ZNF445: variants seen among roughly 807,000 people sequenced by gnomAD.
ZNF445 encodes zinc finger protein 445, also known as zinc finger protein 168.
A neutral mutation model predicts 93.9 loss-of-function variants in ZNF445; 19 were observed. The observed-to-expected ratio is 0.20, with a 90% confidence interval of 0.14 to 0.30. The LOEUF (loss-of-function observed/expected upper bound fraction) is 0.30. ZNF445 is among the 10% of genes least tolerant of loss of function. The pLI, the probability that ZNF445 is intolerant of heterozygous loss-of-function variation, is 1.00. For missense variants in ZNF445, 1,058 were observed against 1,259.4 expected, an observed-to-expected ratio of 0.84 and a Z score of 2.42; for synonymous variants, 449 against 446.3, an observed-to-expected ratio of 1.01 and a Z score of -0.08.
At chr3:44,474,195 G>A (rs1430319103) in intron 1 of ZNF445, among the ~76,000 whole-genome samples, 1 of 152,184 alleles carries the variant, frequency 6.6e-6, no homozygotes, top group Non-Finnish European at 1.5e-5. Flanking sequence ...AACTTGAGAT[G>A]CAACCAAATT....
chr3:44,451,074 G>A, intron 4 of ZNF445, 112 bp from the exon 5 acceptor site: 1 of 1,037,900 alleles, frequency 9.6e-7, no homozygotes, highest in South Asian at 1.7e-5. Context: ...ACATAATGTT[G>A]TTAAATACCC....
In ZNF445 at chr3:44,450,920, C is replaced by G; in HGVS notation, c.641G>C (p.Gly214Ala). 3 of 1,599,736 alleles carry G rather than the reference C, an allele frequency of 1.9e-6. No individual in the cohort carries two copies. The highest frequency in any genetic ancestry group is 1.1e-5 in the South Asian group (1 of 88,328). The change falls in exon 5 of 8, where the codon GGG (glycine) becomes GCG (alanine). Residue 214 changes from glycine (G) to alanine (A), a missense_variant. Around this residue, in one of 3 missense-constraint regions of ZNF445, gnomAD observed 657 missense variants for 746.4 expected, o/e 0.88. Coordinates refer to ENST00000396077, the MANE Select transcript of ZNF445 (RefSeq NM_181489.6). ...AQMPALFPRE[G>A]CPGDQVTPTR... ...TGGTGTTACCTGGTCTCCCGGGCAC[C>G]CCTCTCTCGGGAAAAGGGCAGGCAT...
Position 44,455,365 on chromosome 3 carries a change from C to A in ZNF445, c.185G>T (p.Arg62Leu). ...TAGGGGCCCTGAAGACTCATGGTAGCGAAGCTGTCTGAAGAGCTGGCGGAA... is the reference window on the plus strand; with the variant it reads ...TAGGGGCCCTGAAGACTCATGGTAGAGAAGCTGTCTGAAGAGCTGGCGGAA... The part of the protein sequence containing the change: ...ELFRQLFRQL[R>L]YHESSGPLET... Residue 62 changes from arginine (R) to leucine (L), a missense_variant, in exon 3 of 8, where the codon CGC (arginine) becomes CTC (leucine). Physicochemically the swap from Arg to Leu is moderately radical, Grantham distance 102. Transcript: ENST00000396077. The A allele has an allele frequency of 6.2e-7, 1 of 1,613,982 alleles. No homozygotes were observed. The highest frequency in any genetic ancestry group is 8.5e-7 in the Non-Finnish European group (1 of 1,179,914).
intron 3 of ZNF445, among the ~76,000 whole-genome samples, chr3:44,454,666 A>G (rs1343095150): frequency 6.6e-6 from 1 of 152,164 alleles, no homozygotes; most frequent in African/African-American, 2.4e-5. Context: ...CACTCAAGCA[A>G]TCCGCCCACC....
In ZNF445 at chr3:44,455,127, G is replaced by C. The variant is rs1220543994; in HGVS notation, c.423C>G (p.Ser141=). 3 of 1,614,072 alleles carry C rather than the reference G, an allele frequency of 1.9e-6. No homozygotes were observed. The change falls in exon 3 of 8, where the codon TCC becomes TCG. Residue 141 remains serine, a synonymous_variant. Transcript: ENST00000396077. ...EELQRDLDGT[S]WRDPGPAQSP... The stretch of plus-strand genomic sequence containing the variant: ...CACACTTGCTCACACTCACCCTCCA[G>C]GATGTCCCATCAAGGTCCCTCTGCA...
intron 3 of ZNF445, among the ~76,000 whole-genome samples, chr3:44,452,974 C>T (rs548376682): frequency 6.8e-6 from 1 of 146,160 alleles, no homozygotes; most frequent in South Asian, 2.2e-4. Context: ...TGTGCAGTGG[C>T]GTGATCTCGG....
In ZNF445 at chr3:44,437,642, C is replaced by T. The variant is rs920423552; in HGVS notation, c.*8933G>A. ...CTGTCTTAGGAGAAACTCCAACTCC[C>T]CTAAGTTGGGCCTCTAACCCAATCC... On this transcript the variant is annotated 3_prime_UTR_variant, in exon 8 of 8. Coordinates refer to ENST00000396077, the MANE Select transcript of ZNF445 (RefSeq NM_181489.6). 5.9e-5 allele frequency: 9 copies of T among 152,114 alleles called. No homozygotes were observed. Among genetic ancestry groups the T allele is most frequent in the Non-Finnish European group, 8.8e-5 (6 of 68,032 alleles). 9.4% of individuals were successfully genotyped at this position (152,114 alleles called of 1,614,324 possible). A position where few individuals can be genotyped will look rare whatever the true frequency, so the allele number is the denominator to read the frequency against.
intron 7 of ZNF445, 87 bp from the exon 8 acceptor site, chr3:44,448,826 T>C (rs1172126468): frequency 6.8e-7 from 1 of 1,472,846 alleles, no homozygotes; most frequent in Non-Finnish European, 9.0e-7. Context: ...AATGTCTGGG[T>C]GGTGAGGCTT....
chr3:44,462,680 AAAG>A (rs1260008865), intron 1 of ZNF445, among the ~76,000 whole-genome samples: 5 of 152,002 alleles, frequency 3.3e-5, no homozygotes, highest in Non-Finnish European at 7.4e-5. Context: ...CTTGAAAAAA[AAAG>A]AAAAAAAAAA....
Position 44,445,980 on chromosome 3 carries a change from G to A in ZNF445, c.*595C>T, listed in dbSNP as rs773747744. The A allele has an allele frequency of 3.2e-5, 5 of 155,316 alleles. No homozygotes were observed. Among genetic ancestry groups the A allele is most frequent in the South Asian group, 2.0e-4 (1 of 4,998 alleles). 9.6% of individuals were successfully genotyped at this position (155,316 alleles called of 1,614,324 possible). A position where few individuals can be genotyped will look rare whatever the true frequency, so the allele number is the denominator to read the frequency against. The stretch of plus-strand genomic sequence containing the variant: ...ACAGGGTACTGGTAGAGATCCACAC[G>A]CCAAGCGCTTGAGCCCAGCATCCTG... On this transcript the variant is annotated 3_prime_UTR_variant, in exon 8 of 8. Coordinates refer to ENST00000396077, the MANE Select transcript of ZNF445 (RefSeq NM_181489.6).
chr3:44,435,348 A>C lies in ZNF445; in HGVS notation c.*11227T>G, dbSNP rs761453406. 3 of 152,210 alleles carry C rather than the reference A, an allele frequency of 2.0e-5. No individual in the cohort carries two copies. The highest frequency in any genetic ancestry group is 4.4e-5 in the Non-Finnish European group (3 of 68,044). The allele number at this position is 152,210 out of a possible 1,614,324, so 9.4% of individuals were successfully genotyped here. ...TTGATTTACTGTGTGAGAACAGAAC[A>C]AACCTGGGCCTGGCTCAGTAACAAC... On this transcript the variant is annotated 3_prime_UTR_variant, in exon 8 of 8. Transcript: ENST00000396077.
At position 44,438,896 on chromosome 3, in the gene ZNF445, T is replaced by C. The variant is rs568639766; in HGVS notation, c.*7679A>G. 4.7e-4 allele frequency: 67 copies of C among 143,640 alleles called. No individual in the cohort carries two copies. The East Asian group carries it at 8.6e-3, about 19-fold the overall frequency. 8.9% of individuals were successfully genotyped at this position (143,640 alleles called of 1,614,324 possible). ...TGGGGGGAGGGGGGGAGGGATAGCA[T>C]TGGGAGATATACCTAATGCTAGATG... On this transcript the variant is annotated 3_prime_UTR_variant, in exon 8 of 8. Transcript: ENST00000396077.
chr3:44,454,486 C>T (rs558877225), intron 3 of ZNF445, among the ~76,000 whole-genome samples: 2 of 152,146 alleles, frequency 1.3e-5, no homozygotes, highest in African/African-American at 2.4e-5. Context: ...CAGGCTGGAG[C>T]GCAGTGGTGC....
intron 3 of ZNF445, among the ~76,000 whole-genome samples, chr3:44,453,284 T>C (rs1392875203): frequency 1.3e-5 from 2 of 151,966 alleles, no homozygotes; most frequent in Non-Finnish European, 2.9e-5. Flanking sequence ...TGTATGTCTA[T>C]ATATGTTTTT....
rs1371718417 is a variant in ZNF445 at position 44,433,223 on chromosome 3, C to T, written c.*13352G>A. The T allele has an allele frequency of 6.6e-6, 1 of 151,968 alleles. No individual in the cohort carries two copies. The highest frequency in any genetic ancestry group is 1.5e-5 in the Non-Finnish European group (1 of 68,048). 9.4% of individuals were successfully genotyped at this position (151,968 alleles called of 1,614,324 possible). Reference sequence around the variant, plus strand: ...CCGCCTCCCAGGTTCAAACGATTCTCCTGTCTCAGCCTCCCCAGTAGCTGG... The same window carrying T: ...CCGCCTCCCAGGTTCAAACGATTCTTCTGTCTCAGCCTCCCCAGTAGCTGG... On this transcript the variant is annotated 3_prime_UTR_variant, in exon 8 of 8. Coordinates refer to ENST00000396077, the MANE Select transcript of ZNF445 (RefSeq NM_181489.6).
Position 44,448,051 on chromosome 3 carries a change from A to G in ZNF445, c.1620T>C (p.Pro540=). 1 of 1,612,076 alleles carries G rather than the reference A, an allele frequency of 6.2e-7. No individual in the cohort carries two copies. Among genetic ancestry groups the G allele is most frequent in the South Asian group, 1.1e-5 (1 of 91,070 alleles). The change falls in exon 8 of 8, where the codon CCT becomes CCC. Residue 540 remains proline (P), a synonymous_variant. Transcript: ENST00000396077. ...RHEKIHTGVK[P]YKCDLCEKAF... ...CTTTCTCACATAAATCGCATTTATA[A>G]GGCTTCACTCCAGTGTGAATTTTCT...
intron 1 of ZNF445, among the ~76,000 whole-genome samples, chr3:44,459,519 A>C (rs868586368): frequency 6.6e-6 from 1 of 152,214 alleles, no homozygotes; most frequent in Non-Finnish European, 1.5e-5. Flanking sequence ...GCATATTCTA[A>C]AATTCAAGCA....
At position 44,432,113 on chromosome 3, in the gene ZNF445, G is replaced by A. The variant is rs1256271001; in HGVS notation, c.*14462C>T. Reference sequence around the variant, plus strand: ...GGGTTTCACCATGTTGGCCAGGCTGGTCTCGAACTCCTGACCTCAAGTGAT... The same window carrying A: ...GGGTTTCACCATGTTGGCCAGGCTGATCTCGAACTCCTGACCTCAAGTGAT... On this transcript the variant is annotated 3_prime_UTR_variant, in exon 8 of 8. Coordinates refer to ENST00000396077, the MANE Select transcript of ZNF445 (RefSeq NM_181489.6). The A allele has an allele frequency of 6.6e-6, 1 of 152,118 alleles. No individual in the cohort carries two copies. Among genetic ancestry groups the A allele is most frequent in the Admixed American group, 6.6e-5 (1 of 15,266 alleles). 9.4% of individuals were successfully genotyped at this position (152,118 alleles called of 1,614,324 possible). A position where few individuals can be genotyped will look rare whatever the true frequency, so the allele number is the denominator to read the frequency against.
At chr3:44,459,898 C>A (rs1056935460) in intron 1 of ZNF445, among the ~76,000 whole-genome samples, 8 of 152,166 alleles carry the variant, frequency 5.3e-5, no homozygotes, top group Non-Finnish European at 8.8e-5. Context: ...CAGGAACTTT[C>A]CTTCTAAGAA....
Sources: allele counts gnomAD v4.1 joint callset (sites outside exome capture counted in the v4.1 genomes callset), GRCh38; gene constraint gnomAD v4.1.1; regional missense constraint gnomAD v4.1.1; transcripts MANE v1.5; gene names NCBI Gene and HGNC (gene_info 2026-07-23, HGNC 2026-07-21).